RNLS: variants seen among roughly 807,000 people sequenced by gnomAD.
RNLS encodes renalase.
A neutral mutation model predicts 39.8 loss-of-function variants in RNLS; 39 were observed. That is an observed-to-expected ratio of 0.98 (90% CI 0.76 to 1.28). The LOEUF is 1.28. Among genes scored for constraint, RNLS ranks in the 50% most tolerant of loss-of-function variants. The pLI, the probability that RNLS is intolerant of heterozygous loss-of-function variation, is 0.00. For synonymous variants in RNLS, 147 were observed against 150.7 expected, an observed-to-expected ratio of 0.98 and a Z score of 0.18; for missense variants, 410 against 413.3, an observed-to-expected ratio of 0.99 and a Z score of 0.07.
chr10:88,211,657 G>A, the RNLS span, among the ~76,000 whole-genome samples: 1 of 152,164 alleles, frequency 6.6e-6, no homozygotes, highest in Non-Finnish European at 1.5e-5. Flanking sequence ...GGAATTGAAA[G>A]AAGTTCAAAA....
At chr10:88,400,057 C>G (rs765486006) in intron 4 of RNLS, among the ~76,000 whole-genome samples, 5 of 152,012 alleles carry the variant, frequency 3.3e-5, no homozygotes, top group Non-Finnish European at 7.4e-5. Context: ...TTCTTTGCCA[C>G]TCTCTTATAG....
chr10:88,245,860 C>T, the RNLS span, among the ~76,000 whole-genome samples: 2 of 152,174 alleles, frequency 1.3e-5, no homozygotes, highest in Admixed American at 6.5e-5. Flanking sequence ...TTGGAAATCA[C>T]GTAACAGGCA....
intron 5 of RNLS, among the ~76,000 whole-genome samples, chr10:88,333,240 G>GGAAA (rs1847244837): frequency 6.6e-6 from 1 of 152,072 alleles, no homozygotes; most frequent in Admixed American, 6.6e-5. Flanking sequence ...AATCTTTAAT[G>GGAAA]GAAAGATATT....
At chr10:88,347,759 C>T (rs1848405562) in intron 5 of RNLS, among the ~76,000 whole-genome samples, 1 of 152,132 alleles carries the variant, frequency 6.6e-6, no homozygotes, top group African/African-American at 2.4e-5. Context: ...CAAGCTGGAA[C>T]TTCCACCACC....
At chr10:88,581,290 G>GTA (rs879726063) in intron 3 of RNLS, among the ~76,000 whole-genome samples, 2,265 of 135,372 alleles carry the variant, frequency 0.017, 26 homozygotes, top group Middle Eastern at 0.029. Flanking sequence ...ATGTGTGTGT[G>GTA]TGTGTATATA....
chr10:88,188,425 C>T, the RNLS span, among the ~76,000 whole-genome samples: 1 of 152,196 alleles, frequency 6.6e-6, no homozygotes, highest in Non-Finnish European at 1.5e-5. Context: ...TGTGACATTT[C>T]TGATGTCAGA....
rs193131634 is a variant in RNLS, at chr10:88,564,300, T to C, written c.526+8603A>G. Among the ~76,000 whole-genome samples the C allele has an allele frequency of 1.3e-3, 191 of 145,316 alleles. 1 individual carries two copies. Among genetic ancestry groups the C allele is most frequent in the African/African-American group, 4.6e-3 (178 of 38,464 alleles). Reference sequence around the variant, plus strand: ...AAGCTCAACATTGTGTTTTGAAAGGTTGTGATGACTGCAAATACACACACA... The same window carrying C: ...AAGCTCAACATTGTGTTTTGAAAGGCTGTGATGACTGCAAATACACACACA... On this transcript the variant is annotated intron_variant, in intron 4 of 6. Coordinates refer to ENST00000331772, the MANE Select transcript of RNLS (RefSeq NM_001031709.3).
intron 5 of RNLS, among the ~76,000 whole-genome samples, chr10:88,316,912 A>T (rs1845803155): frequency 6.6e-6 from 1 of 152,212 alleles, no homozygotes. Context: ...TGTTTTCAGA[A>T]GCTAAAGTCT....
intron 4 of RNLS, among the ~76,000 whole-genome samples, chr10:88,436,184 C>T (rs1168322995): frequency 1.3e-5 from 2 of 152,008 alleles, no homozygotes; most frequent in African/African-American, 4.8e-5. Flanking sequence ...GAGGGTCAGC[C>T]ACTGGGTTGG....
At position 88,284,127 on chromosome 10, in the gene RNLS, T is replaced by C. The variant is rs1356432490; in HGVS notation, c.*1227A>G. On this transcript the variant is annotated 3_prime_UTR_variant, in exon 7 of 7. Transcript: ENST00000331772. ...TTGGCATTTAAGTTTTTCACCAATTTATTGCTAAGAGGAAACATATAATAA... is the reference window on the plus strand; with the variant it reads ...TTGGCATTTAAGTTTTTCACCAATTCATTGCTAAGAGGAAACATATAATAA... 6 of 984,932 alleles carry C rather than the reference T, an allele frequency of 6.1e-6. No homozygotes were observed. The African/African-American group carries it at 1.0e-4, about 17-fold the overall frequency. 61.0% of individuals were successfully genotyped at this position (984,932 alleles called of 1,614,324 possible).
chr10:88,223,817 C>G, the RNLS span, among the ~76,000 whole-genome samples: 1 of 152,108 alleles, frequency 6.6e-6, no homozygotes, highest in Non-Finnish European at 1.5e-5. Context: ...CATGTTTGCA[C>G]ACTCGAGAGC....
At chr10:88,299,958 G>A (rs1038422527) in intron 6 of RNLS, among the ~76,000 whole-genome samples, 10 of 152,134 alleles carry the variant, frequency 6.6e-5, no homozygotes, top group Admixed American at 6.5e-5. Flanking sequence ...GAGTATAAAT[G>A]TTAACTATGA....
chr10:88,485,694 T>C (rs1844460321), intron 4 of RNLS, among the ~76,000 whole-genome samples: 1 of 148,860 alleles, frequency 6.7e-6, no homozygotes, highest in Non-Finnish European at 1.5e-5. Flanking sequence ...ACAATATAAA[T>C]TACTGCTCTA....
intron 3 of RNLS, among the ~76,000 whole-genome samples, chr10:88,581,294 G>GTGTGTGTA (rs1376395535): frequency 3.0e-4 from 39 of 129,860 alleles, no homozygotes; most frequent in South Asian, 1.5e-3. Flanking sequence ...GTGTGTGTGT[G>GTGTGTGTA]TATATATATA....
intron 5 of RNLS, among the ~76,000 whole-genome samples, chr10:88,322,745 A>AT (rs1175998013): frequency 1.3e-5 from 2 of 152,164 alleles, no homozygotes; most frequent in African/African-American, 2.4e-5. Flanking sequence ...GTCTACTCTC[A>AT]TTTCTCCTAT....
intron 4 of RNLS, among the ~76,000 whole-genome samples, chr10:88,490,873 T>C (rs1477143182): frequency 6.6e-6 from 1 of 152,178 alleles, no homozygotes; most frequent in East Asian, 1.9e-4. Context: ...TCAAAAATAT[T>C]TTCTTTGTTA....
At chr10:88,364,814 C>T (rs1241292108) in intron 4 of RNLS, among the ~76,000 whole-genome samples, 5 of 151,992 alleles carry the variant, frequency 3.3e-5, no homozygotes, top group African/African-American at 1.2e-4. Flanking sequence ...AAAGTTATGG[C>T]TTGATATTAT....
At chr10:88,217,856 A>G in the RNLS span, among the ~76,000 whole-genome samples, 21 of 152,162 alleles carry the variant, frequency 1.4e-4, no homozygotes, top group Middle Eastern at 3.4e-3. Flanking sequence ...CCTGGCCAAC[A>G]TGGTGAAAAC....
intron 4 of RNLS, among the ~76,000 whole-genome samples, chr10:88,439,253 T>A (rs1304016589): frequency 1.3e-5 from 2 of 152,238 alleles, no homozygotes; most frequent in African/African-American, 4.8e-5. Context: ...GGATATTCAG[T>A]AAGAACATGT....
Sources: gnomAD v4.1 joint callset for allele counts (sites outside exome capture counted in the v4.1 genomes callset) on GRCh38, gnomAD v4.1.1 for gene constraint, MANE v1.5 for transcripts, NCBI Gene and HGNC (gene_info 2026-07-23, HGNC 2026-07-21) for gene names.